Variants in IKZF2 observed in about 807,000 individuals in gnomAD.
IKZF2 encodes IKAROS family zinc finger 2, also known as zinc finger protein Helios.
In IKZF2, 15 loss-of-function variants were observed where a neutral mutation model predicts 49.2. The observed-to-expected ratio is 0.30, with a 90% CI of 0.20 to 0.47. The LOEUF is 0.47. IKZF2 is among the 20% of genes least tolerant of loss of function. The pLI is 1.00. For missense variants in IKZF2, 567 were observed against 664.6 expected (o/e 0.85, Z 1.61); for synonymous variants, 227 against 221.4 (o/e 1.03, Z -0.23).
chr2:213,019,429 T>C (rs1696964933), intron 7 of IKZF2, among the ~76,000 whole-genome samples: 1 of 152,190 alleles, frequency 6.6e-6, no homozygotes, highest in Non-Finnish European at 1.5e-5. Context: ...AATGATGAAC[T>C]CTAGCAGCAT....
At chr2:213,084,697 G>A (rs1414973985) in intron 4 of IKZF2, among the ~76,000 whole-genome samples, 1 of 151,794 alleles carries the variant, frequency 6.6e-6, no homozygotes, top group African/African-American at 2.4e-5. Flanking sequence ...ATTATCTGAA[G>A]GCCTTTTACA....
intron 4 of IKZF2, among the ~76,000 whole-genome samples, chr2:213,100,791 C>A (rs1055748926): frequency 1.4e-4 from 21 of 151,922 alleles, no homozygotes; most frequent in African/African-American, 4.8e-4. Flanking sequence ...TTTTAAAGGC[C>A]AGGTACTTGT....
chr2:213,147,284 G>A lies in IKZF2; in HGVS notation c.139+424C>T, dbSNP rs567114655. The A allele has an allele frequency of 1.7e-5, 5 of 300,152 alleles. No homozygotes were observed. The South Asian group carries it at 4.1e-4, about 25-fold the overall frequency. The allele number at this position is 300,152 out of a possible 1,614,324, so 18.6% of individuals were successfully genotyped here. A position where few individuals can be genotyped will look rare whatever the true frequency, so the allele number is the denominator to read the frequency against. ...AAACTTTCACATTTTTTAAAAGCAA[G>A]TAACACTGTAATTTTATCACTGACG... is the stretch of plus-strand genomic sequence containing the variant. On this transcript the variant is annotated intron_variant, in intron 4 of 8. Transcript: ENST00000434687.
chr2:213,121,139 G>T (rs1247193084), intron 4 of IKZF2, among the ~76,000 whole-genome samples: 1 of 152,100 alleles, frequency 6.6e-6, no homozygotes, highest in African/African-American at 2.4e-5. Context: ...TTTTCATAAA[G>T]TACTAAATAG....
intron 7 of IKZF2, 117 bp from the exon 8 acceptor site, chr2:213,014,051 A>T: frequency 1.2e-6 from 1 of 853,536 alleles, no homozygotes; most frequent in Non-Finnish European, 1.9e-6. Flanking sequence ...CAGTAGAAGC[A>T]AGTAGAAAGA....
intron 6 of IKZF2, among the ~76,000 whole-genome samples, chr2:213,043,306 C>G (rs1168080473): frequency 6.6e-6 from 1 of 152,094 alleles, no homozygotes; most frequent in East Asian, 1.9e-4. Context: ...TATTCATGCA[C>G]ATCTGTGCTG....
Position 213,007,749 on chromosome 2 carries a change from C to T in IKZF2, c.1192G>A (p.Ala398Thr), listed in dbSNP as rs1695490445. The T allele has an allele frequency of 5.0e-6, 8 of 1,613,546 alleles. No homozygotes were observed. The highest frequency in any genetic ancestry group is 2.7e-5 in the African/African-American group (2 of 74,868). Residue 398 changes from alanine (A) to threonine (T), a missense_variant, in exon 9 of 9, where the codon GCC becomes ACC. Transcript: ENST00000434687. The part of the protein sequence containing the change: ...RPKSRPQERE[A>T]SPSNSCLDST... The stretch of plus-strand genomic sequence containing the variant: ...TCCAGGCAGCTATTGCTGGGAGAGG[C>T]CTCTCTTTCCTGGGGTCGACTCTTT...
chr2:213,122,503 T>C (rs183391313), intron 4 of IKZF2, among the ~76,000 whole-genome samples: 2 of 152,304 alleles, frequency 1.3e-5, no homozygotes, highest in Non-Finnish European at 2.9e-5. Context: ...CAAGCAAGTT[T>C]GAGAAAAAGA....
intron 6 of IKZF2, among the ~76,000 whole-genome samples, chr2:213,032,256 T>C (rs777068478): frequency 6.6e-6 from 1 of 152,182 alleles, no homozygotes; most frequent in Non-Finnish European, 1.5e-5. Context: ...ATCAAACCAC[T>C]GGCATATCTT....
intron 4 of IKZF2, among the ~76,000 whole-genome samples, chr2:213,123,842 T>C (rs76782583): frequency 0.011 from 1,613 of 151,778 alleles, 12 homozygotes; most frequent in Non-Finnish European, 0.016. Flanking sequence ...CAAGGGCCAA[T>C]GCAAAACACT....
chr2:213,062,491 A>G (rs1339456266), intron 4 of IKZF2, among the ~76,000 whole-genome samples: 1 of 151,648 alleles, frequency 6.6e-6, no homozygotes, highest in South Asian at 2.1e-4. Context: ...TTTAATTTTA[A>G]TTTTTAATTT....
At chr2:213,134,096 G>C (rs1411772754) in intron 4 of IKZF2, among the ~76,000 whole-genome samples, 1 of 152,120 alleles carries the variant, frequency 6.6e-6, no homozygotes, top group Non-Finnish European at 1.5e-5. Flanking sequence ...GCCAACCTGA[G>C]CCTTCTAAAT....
chr2:213,100,490 G>C (rs552254518), intron 4 of IKZF2, among the ~76,000 whole-genome samples: 24 of 151,906 alleles, frequency 1.6e-4, no homozygotes, highest in Non-Finnish European at 3.4e-4. Flanking sequence ...TTAAAAAATA[G>C]TAAAATTGCC....
chr2:213,005,507 T>C lies in IKZF2; in HGVS notation c.*1853A>G, dbSNP rs1574452541. On this transcript the variant is annotated 3_prime_UTR_variant, in exon 9 of 9. Transcript: ENST00000434687. Reference sequence around the variant, plus strand: ...GCTGGAAAATGAGTTAAGAGCAGTATTGGGGCCAAACTTGCTTATGTCCAC... The same window carrying C: ...GCTGGAAAATGAGTTAAGAGCAGTACTGGGGCCAAACTTGCTTATGTCCAC... The C allele has an allele frequency of 1.3e-5, 2 of 152,136 alleles. No individual in the cohort carries two copies. The highest frequency in any genetic ancestry group is 1.9e-4 in the East Asian group (1 of 5,158). The allele number at this position is 152,136 out of a possible 1,614,324, so 9.4% of individuals were successfully genotyped here.
intron 6 of IKZF2, among the ~76,000 whole-genome samples, chr2:213,032,438 A>C (rs1212681270): frequency 6.6e-6 from 1 of 152,206 alleles, no homozygotes; most frequent in Non-Finnish European, 1.5e-5. Context: ...TTTGCTGCTA[A>C]AAAATGCTAA....
chr2:213,028,712 G>A (rs555633002), intron 6 of IKZF2, among the ~76,000 whole-genome samples: 32 of 152,158 alleles, frequency 2.1e-4, no homozygotes, highest in African/African-American at 6.7e-4. Context: ...ATCTCAGTAT[G>A]TCAAAGAAAT....
intron 7 of IKZF2, chr2:213,014,534 G>T (rs915194509): frequency 6.6e-6 from 1 of 151,928 alleles, no homozygotes; most frequent in African/African-American, 2.4e-5. Flanking sequence ...GCAGCTTTAT[G>T]ATTGTAATTT....
intron 4 of IKZF2, among the ~76,000 whole-genome samples, chr2:213,101,483 C>T (rs961752805): frequency 1.3e-5 from 2 of 151,786 alleles, no homozygotes; most frequent in African/African-American, 4.8e-5. Flanking sequence ...TTATGATATA[C>T]AAATTTCCTT....
chr2:213,110,252 A>G (rs2059658048), intron 4 of IKZF2, among the ~76,000 whole-genome samples: 2 of 152,038 alleles, frequency 1.3e-5, no homozygotes, highest in Non-Finnish European at 2.9e-5. Flanking sequence ...ATCAAAAAGT[A>G]TAAAAGTATA....
Sources: allele counts gnomAD v4.1 joint callset (sites outside exome capture counted in the v4.1 genomes callset), GRCh38; gene constraint gnomAD v4.1.1; transcripts MANE v1.5; gene names NCBI Gene and HGNC (gene_info 2026-07-23, HGNC 2026-07-21).